LSAMP: variants seen among roughly 807,000 people sequenced by gnomAD.
LSAMP encodes limbic system-associated membrane protein.
A neutral mutation model predicts 38.6 loss-of-function variants in LSAMP; 7 were observed. The observed-to-expected ratio is 0.18, with a 90% CI of 0.10 to 0.34. The LOEUF (loss-of-function observed/expected upper bound fraction) is 0.34. Ranked by LOEUF, LSAMP falls within the 10% of genes least tolerant of loss-of-function variation. The probability of loss-of-function intolerance (pLI) is 1.00; values close to 1 mark genes in which losing one functional copy is unlikely to be tolerated. For synonymous variants in LSAMP, 154 were observed against 166.8 expected, an observed-to-expected ratio of 0.92 and a Z score of 0.59; for missense variants, 313 against 420.0, an observed-to-expected ratio of 0.75 and a Z score of 2.23.
At chr3:116,103,695 C>A (rs145066443) in intron 1 of LSAMP, among the ~76,000 whole-genome samples, 2 of 151,212 alleles carry the variant, frequency 1.3e-5, no homozygotes, top group African/African-American at 2.4e-5. Context: ...TATGAACATT[C>A]TTCTGTCTAA....
Position 115,803,331 on chromosome 3 carries a change from A to G in LSAMP, c.*6986T>C, listed in dbSNP as rs1420038364. 1 of 152,278 alleles carries G rather than the reference A, an allele frequency of 6.6e-6. No homozygotes were observed. Among genetic ancestry groups the G allele is most frequent in the Non-Finnish European group, 1.5e-5 (1 of 68,074 alleles). The allele number at this position is 152,278 out of a possible 1,614,324, so 9.4% of individuals were successfully genotyped here. ...AAGTGATGAACAAACCCTACTCTTC[A>G]GTGACTGGAAACTCTGATGCCTTCT... On this transcript the variant is annotated 3_prime_UTR_variant, in exon 7 of 7. Coordinates refer to ENST00000490035, the MANE Select transcript of LSAMP (RefSeq NM_002338.5).
chr3:115,888,047 T>A lies in LSAMP; in HGVS notation c.515-35430A>T, dbSNP rs72955529. Among the ~76,000 whole-genome samples, 436 of 152,068 alleles carry A rather than the reference T, an allele frequency of 2.9e-3. 1 individual carries two copies. Among genetic ancestry groups the A allele is most frequent in the African/African-American group, 9.4e-3 (390 of 41,530 alleles). ...AGTGATACCTCATCTTGTCACTGAT[T>A]GAATTTATGTCAGGCATTGATGAGT... is the stretch of plus-strand genomic sequence containing the variant. On this transcript the variant is annotated intron_variant, in intron 3 of 6. Transcript: ENST00000490035.
intron 6 of LSAMP, among the ~76,000 whole-genome samples, chr3:115,841,350 C>T (rs943346932): frequency 6.6e-6 from 1 of 152,022 alleles, no homozygotes; most frequent in African/African-American, 2.4e-5. Context: ...TCATTTATTC[C>T]ACCCTTCCTC....
At chr3:116,415,940 A>T (rs1387898912) in intron 1 of LSAMP, among the ~76,000 whole-genome samples, 2 of 152,150 alleles carry the variant, frequency 1.3e-5, no homozygotes, top group African/African-American at 4.8e-5. Flanking sequence ...ATACATTTTA[A>T]AATGAAATGT....
intron 6 of LSAMP, among the ~76,000 whole-genome samples, chr3:115,823,623 A>T (rs1372248888): frequency 6.6e-6 from 1 of 152,222 alleles, no homozygotes; most frequent in Admixed American, 6.5e-5. Context: ...ATTTGTAAAA[A>T]CAAATCAATG....
intron 2 of LSAMP, among the ~76,000 whole-genome samples, chr3:116,068,356 A>G (rs1226866852): frequency 6.6e-6 from 1 of 152,110 alleles, no homozygotes; most frequent in Non-Finnish European, 1.5e-5. Context: ...ATCCATTCCT[A>G]TTCTTCTTCC....
rs963569302 is a variant in LSAMP, at chr3:116,209,409, C to T, written c.156-122853G>A. Among the ~76,000 whole-genome samples, 6 of 152,240 alleles carry T rather than the reference C, an allele frequency of 3.9e-5. No homozygotes were observed. The East Asian group carries it at 9.6e-4, about 24-fold the overall frequency. On this transcript the variant is annotated intron_variant, in intron 1 of 6. Coordinates refer to ENST00000490035, the MANE Select transcript of LSAMP (RefSeq NM_002338.5). ...TAGACCGGAGCTGTTCCTGTTCAGC[C>T]ATCTTGGCTCTTCCCTCAAATTTCT... is the stretch of plus-strand genomic sequence containing the variant.
At chr3:116,198,771 A>AG (rs1374439598) in intron 1 of LSAMP, among the ~76,000 whole-genome samples, 107 of 139,108 alleles carry the variant, frequency 7.7e-4, no homozygotes, top group Admixed American at 1.6e-3. Context: ...ACTCCGTCTC[A>AG]GAAAAAAAAA....
chr3:115,922,120 T>C (rs1937395669), intron 3 of LSAMP, among the ~76,000 whole-genome samples: 2 of 152,200 alleles, frequency 1.3e-5, no homozygotes, highest in South Asian at 4.1e-4. Context: ...ATGCTGATTT[T>C]TTCCTCCAGA....
At chr3:116,400,757 G>A (rs1172584355) in intron 1 of LSAMP, among the ~76,000 whole-genome samples, 4 of 152,010 alleles carry the variant, frequency 2.6e-5, no homozygotes, top group East Asian at 1.9e-4. Flanking sequence ...GGATTACAGC[G>A]TGAGCCACCA....
At chr3:115,823,840 A>C (rs1934324248) in intron 6 of LSAMP, among the ~76,000 whole-genome samples, 1 of 152,208 alleles carries the variant, frequency 6.6e-6, no homozygotes. Flanking sequence ...ACAGCAATGC[A>C]ATAAAAAATG....
chr3:116,341,611 A>G lies in LSAMP; in HGVS notation c.155+103266T>C, dbSNP rs150179402. 7.0e-4 allele frequency among the ~76,000 whole-genome samples: 107 copies of G among 152,210 alleles called. 3 individuals carry two copies. The East Asian group carries it at 0.02, about 28-fold the overall frequency. ...GACAGGAGAAACCTGGTGAGTGGTAATGCTGAAAAAAGACCTGGAGCTGAT... is the reference window on the plus strand; with the variant it reads ...GACAGGAGAAACCTGGTGAGTGGTAGTGCTGAAAAAAGACCTGGAGCTGAT... On this transcript the variant is annotated intron_variant, in intron 1 of 6. Coordinates refer to ENST00000490035, the MANE Select transcript of LSAMP (RefSeq NM_002338.5).
intron 6 of LSAMP, among the ~76,000 whole-genome samples, chr3:115,812,858 A>G (rs1933883212): frequency 6.6e-6 from 1 of 152,188 alleles, no homozygotes; most frequent in South Asian, 2.1e-4. Flanking sequence ...GGGAAGGTTA[A>G]GACTAGTCTT....
chr3:116,119,845 G>A (rs1387842487), intron 1 of LSAMP, among the ~76,000 whole-genome samples: 1 of 151,950 alleles, frequency 6.6e-6, no homozygotes, highest in Non-Finnish European at 1.5e-5. Flanking sequence ...ATTTTTAGTA[G>A]AGATGGGGTT....
chr3:116,033,925 A>G (rs969528020), intron 2 of LSAMP, among the ~76,000 whole-genome samples: 2 of 152,098 alleles, frequency 1.3e-5, no homozygotes, highest in African/African-American at 2.4e-5. Flanking sequence ...CATCAGCTCT[A>G]TATTTGGTAC....
chr3:116,262,353 AT>A (rs2046836189), intron 1 of LSAMP, among the ~76,000 whole-genome samples: 1 of 152,186 alleles, frequency 6.6e-6, no homozygotes, highest in African/African-American at 2.4e-5. Flanking sequence ...ATGTGAGAAC[AT>A]TTTAGTCTTC....
At chr3:116,176,022 C>T (rs899904171) in intron 1 of LSAMP, among the ~76,000 whole-genome samples, 4 of 152,128 alleles carry the variant, frequency 2.6e-5, no homozygotes, top group African/African-American at 7.2e-5. Context: ...CAATTTAACA[C>T]TTTACTTGAT....
intron 1 of LSAMP, among the ~76,000 whole-genome samples, chr3:116,137,985 C>T (rs1709288389): frequency 6.6e-6 from 1 of 152,100 alleles, no homozygotes; most frequent in South Asian, 2.1e-4. Flanking sequence ...AAAGCCTGAC[C>T]AGCCTAATAC....
At chr3:116,132,944 A>G (rs1559754961) in intron 1 of LSAMP, among the ~76,000 whole-genome samples, 1 of 152,166 alleles carries the variant, frequency 6.6e-6, no homozygotes. Context: ...CCGTGTTGTT[A>G]TAAATGAGGT....
Sources: gnomAD v4.1 joint callset for allele counts (sites outside exome capture counted in the v4.1 genomes callset) on GRCh38, gnomAD v4.1.1 for gene constraint, MANE v1.5 for transcripts, NCBI Gene and HGNC (gene_info 2026-07-23, HGNC 2026-07-21) for gene names.